Variants in MID1 observed in about 807,000 individuals in gnomAD.
MID1 encodes the protein midline 1.
A neutral mutation model predicts 40.4 loss-of-function variants in MID1; 7 were observed. The ratio of observed to expected loss-of-function variants is 0.17; its 90% CI spans 0.10 to 0.33. The LOEUF is 0.33. Ranked by LOEUF, MID1 falls within the 10% of genes least tolerant of loss-of-function variation. The pLI is 1.00. For synonymous variants in MID1, 229 were observed against 221.2 expected (o/e 1.04, Z -0.31); for missense variants, 367 against 558.5 (o/e 0.66, Z 3.46).
upstream of MID1, among the ~76,000 whole-genome samples, chrX:10,624,522 G>A (rs623113): frequency 9.4e-3 from 1,054 of 112,052 alleles, 10 homozygotes; most frequent in Non-Finnish European, 0.015. Flanking sequence ...AAATATAGCA[G>A]ATTCTTCATT....
intron 1 of MID1, among the ~76,000 whole-genome samples, chrX:10,773,223 G>A (rs73202023): frequency 0.088 from 9,837 of 111,533 alleles, 360 homozygotes; most frequent in African/African-American, 0.13. Context: ...AGGTGGAATA[G>A]TTCTGTTAAA....
At chrX:10,742,378 GA>G (rs898310522) in intron 1 of MID1, among the ~76,000 whole-genome samples, 1 of 111,047 alleles carries the variant, frequency 9.0e-6, no homozygotes, top group African/African-American at 3.3e-5. Context: ...AAACTACATT[GA>G]AAAAAAATCC....
intron 2 of MID1, among the ~76,000 whole-genome samples, chrX:10,554,988 G>T (rs1934063393): frequency 8.9e-6 from 1 of 112,022 alleles, no homozygotes; most frequent in South Asian, 3.7e-4. Context: ...CCCACCAGCT[G>T]GCTTGGTTAA....
intron 1 of MID1, among the ~76,000 whole-genome samples, chrX:10,643,257 T>G (rs1936222603): frequency 9.0e-6 from 1 of 111,113 alleles, no homozygotes; most frequent in African/African-American, 3.3e-5. Context: ...ATTTTTACAA[T>G]CTACCCATCT....
At chrX:10,720,747 A>T (rs6530410) in intron 1 of MID1, among the ~76,000 whole-genome samples, 10,405 of 110,580 alleles carry the variant, frequency 0.094, 790 homozygotes, top group African/African-American at 0.25. Flanking sequence ...ACACATGCAC[A>T]CGTATGTTTA....
chrX:10,639,221 A>G (rs1478724239), intron 1 of MID1, among the ~76,000 whole-genome samples: 2 of 111,944 alleles, frequency 1.8e-5, no homozygotes. Context: ...TCTCCGAGCT[A>G]AAGGAGGATG....
intron 1 of MID1, among the ~76,000 whole-genome samples, chrX:10,706,346 C>A (rs967573660): frequency 1.8e-5 from 2 of 110,609 alleles, no homozygotes; most frequent in African/African-American, 6.6e-5. Context: ...TAAAAATAAT[C>A]ATAGTTGATA....
At chrX:10,728,109 G>C (rs188208549) in intron 1 of MID1, among the ~76,000 whole-genome samples, 28 of 112,059 alleles carry the variant, frequency 2.5e-4, no homozygotes, top group African/African-American at 8.7e-4. Context: ...TAAGTGAAGT[G>C]TTTATTGTCT....
chrX:10,767,355 T>C (rs1348117816), intron 1 of MID1, among the ~76,000 whole-genome samples: 1 of 110,891 alleles, frequency 9.0e-6, no homozygotes, highest in Non-Finnish European at 1.9e-5. Flanking sequence ...GATGGAGTCT[T>C]GCTCCACCAG....
chrX:10,703,078 T>C (rs1210362020), intron 1 of MID1, among the ~76,000 whole-genome samples: 3 of 112,291 alleles, frequency 2.7e-5, no homozygotes, highest in African/African-American at 9.7e-5. Flanking sequence ...TATTTTGTTA[T>C]GGCAGTCCAA....
chrX:10,498,423 T>C (rs1203232623), intron 3 of MID1, among the ~76,000 whole-genome samples: 1 of 112,409 alleles, frequency 8.9e-6, no homozygotes, highest in African/African-American at 3.2e-5. Context: ...CAGGAATTGA[T>C]TTTTTAAAAC....
At chrX:10,831,173 A>G (rs2044249953) in intron 1 of MID1, among the ~76,000 whole-genome samples, 1 of 111,715 alleles carries the variant, frequency 9.0e-6, no homozygotes, top group South Asian at 3.8e-4. Flanking sequence ...CCCACTCATC[A>G]TTTACCAGTG....
At chrX:10,712,925 C>T (rs141809904) in intron 1 of MID1, among the ~76,000 whole-genome samples, 7,018 of 111,474 alleles carry the variant, frequency 0.063, 232 homozygotes, top group Middle Eastern at 0.098. Flanking sequence ...CAACCTCTGC[C>T]TCCCAGGTTC....
intron 4 of MID1, among the ~76,000 whole-genome samples, chrX:10,484,836 C>A (rs775704912): frequency 8.9e-6 from 1 of 111,809 alleles, no homozygotes; most frequent in Non-Finnish European, 1.9e-5. Flanking sequence ...CTTTAAAAAA[C>A]CAAATAGAAG....
At chrX:10,553,313 T>C (rs1459051308) in intron 2 of MID1, among the ~76,000 whole-genome samples, 2 of 110,346 alleles carry the variant, frequency 1.8e-5, no homozygotes, top group East Asian at 5.6e-4. Flanking sequence ...TATATACGTA[T>C]GAACCCTGAG....
chrX:10,720,766 C>T (rs1306364300), intron 1 of MID1, among the ~76,000 whole-genome samples: 3 of 110,454 alleles, frequency 2.7e-5, no homozygotes, highest in Non-Finnish European at 3.8e-5. Flanking sequence ...TATTGCGGCA[C>T]TATTCACAAT....
chrX:10,585,242 A>C (rs12834072), intron 1 of MID1, among the ~76,000 whole-genome samples: 1 of 110,791 alleles, frequency 9.0e-6, no homozygotes, highest in Non-Finnish European at 1.9e-5. Context: ...TGAGTATAAA[A>C]CAATATAAAA....
intron 1 of MID1, among the ~76,000 whole-genome samples, chrX:10,704,765 C>CAGAG (rs1555916259): frequency 6.5e-5 from 6 of 91,630 alleles, no homozygotes; most frequent in South Asian, 9.8e-4. Context: ...CACACACACA[C>CAGAG]AGAGAGAGAG....
intron 1 of MID1, among the ~76,000 whole-genome samples, chrX:10,726,307 C>G (rs1323366993): frequency 9.0e-6 from 1 of 111,612 alleles, no homozygotes; most frequent in Admixed American, 9.6e-5. Flanking sequence ...TTTTCAGAAG[C>G]TAAACATCTA....
Sources: allele counts gnomAD v4.1 joint callset (sites outside exome capture counted in the v4.1 genomes callset), GRCh38; gene constraint gnomAD v4.1.1; transcripts MANE v1.5; gene names NCBI Gene and HGNC (gene_info 2026-07-23, HGNC 2026-07-21).